YLPM1: variants seen among roughly 807,000 people sequenced by gnomAD.
The protein encoded by YLPM1 is YLP motif-containing protein 1.
Under a neutral mutation model 230.0 loss-of-function variants are expected in YLPM1, and 99 were observed. The observed-to-expected ratio is 0.43, with a 90% CI of 0.37 to 0.51. The LOEUF is 0.51. YLPM1 is among the 20% of genes least tolerant of loss of function. The probability of loss-of-function intolerance (pLI) is 0.00; values close to 1 mark genes in which losing one functional copy is unlikely to be tolerated. For missense variants in YLPM1, 2,592 were observed against 2,707.7 expected (o/e 0.96, Z 0.95); for synonymous variants, 984 against 942.5 (o/e 1.04, Z -0.81).
intron 19 of YLPM1, among the ~76,000 whole-genome samples, chr14:74,834,188 A>G (rs1034786358): frequency 2.6e-5 from 4 of 151,382 alleles, no homozygotes; most frequent in Admixed American, 2.6e-4. Flanking sequence ...GACTCTAAAA[A>G]AAAAAAAAAA....
At chr14:74,765,877 C>T (rs905905395) in intron 1 of YLPM1, among the ~76,000 whole-genome samples, 3 of 152,148 alleles carry the variant, frequency 2.0e-5, no homozygotes, top group South Asian at 2.1e-4. Context: ...TGGTGAGAGG[C>T]AGAGTGGTGG....
At chr14:74,795,470 G>C (rs1336990693) in intron 4 of YLPM1, among the ~76,000 whole-genome samples, 2 of 152,192 alleles carry the variant, frequency 1.3e-5, no homozygotes, top group Non-Finnish European at 2.9e-5. Flanking sequence ...AGGCATCACT[G>C]TCTACTACTC....
intron 1 of YLPM1, among the ~76,000 whole-genome samples, chr14:74,770,038 C>T (rs1317004049): frequency 5.3e-5 from 8 of 151,700 alleles, no homozygotes; most frequent in Admixed American, 6.6e-5. Context: ...AAAAATTAGC[C>T]GGGCGTGGTG....
In YLPM1 at chr14:74,781,503, G is replaced by C; in HGVS notation, c.1460G>C (p.Gly487Ala). 1 of 1,613,848 alleles carries C rather than the reference G, an allele frequency of 6.2e-7. No homozygotes were observed. The highest frequency in any genetic ancestry group is 8.5e-7 in the Non-Finnish European group (1 of 1,179,832). The change falls in exon 4 of 21, where the codon GGA becomes GCA. Residue 487 changes from glycine to alanine, a missense_variant. Around this residue, in one of 4 missense-constraint regions of YLPM1, gnomAD observed 1,862 missense variants for 1,819.8 expected, o/e 1.02. Coordinates refer to ENST00000325680, the MANE Select transcript of YLPM1 (RefSeq NM_019589.3). ...EYEKQWKTWQGHMKATQSYLQ... is the reference protein window; with the variant it reads ...EYEKQWKTWQAHMKATQSYLQ... ...GAGAAGCAGTGGAAAACATGGCAGG[G>C]ACATATGAAAGCCACTCAGAGCTAT...
intron 4 of YLPM1, among the ~76,000 whole-genome samples, chr14:74,786,448 T>C (rs1031807966): frequency 3.4e-5 from 5 of 148,084 alleles, no homozygotes; most frequent in African/African-American, 1.2e-4. Context: ...ATCTCCCTCA[T>C]CCCCCTCAGT....
intron 18 of YLPM1, among the ~76,000 whole-genome samples, chr14:74,826,815 A>G (rs1220064531): frequency 1.3e-5 from 2 of 152,234 alleles, no homozygotes; most frequent in African/African-American, 2.4e-5. Flanking sequence ...GCAGGTTGTT[A>G]CTTGCCACAT....
chr14:74,807,453 G>A (rs576487404), intron 6 of YLPM1, among the ~76,000 whole-genome samples: 6 of 152,112 alleles, frequency 3.9e-5, no homozygotes, highest in Non-Finnish European at 8.8e-5. Context: ...AGGCTGAAGC[G>A]AGAAGATTAC....
At chr14:74,783,244 A>T (rs556798343) in intron 4 of YLPM1, among the ~76,000 whole-genome samples, 1 of 152,136 alleles carries the variant, frequency 6.6e-6, no homozygotes, top group East Asian at 1.9e-4. Flanking sequence ...TTTAAAAAAT[A>T]CTTCGTAGAG....
intron 19 of YLPM1, among the ~76,000 whole-genome samples, chr14:74,833,653 T>C (rs191514480): frequency 2.5e-4 from 38 of 152,342 alleles, no homozygotes; most frequent in African/African-American, 9.1e-4. Flanking sequence ...GGCTTCTTAC[T>C]AAAGCCCATG....
intron 4 of YLPM1, among the ~76,000 whole-genome samples, chr14:74,788,709 G>GGCA (rs1218550417): frequency 6.6e-6 from 1 of 152,098 alleles, no homozygotes; most frequent in Admixed American, 6.6e-5. Context: ...CAGGCTTGGT[G>GGCA]GCATGTGCCT....
At chr14:74,819,527 A>G (rs1016543762) in intron 16 of YLPM1, among the ~76,000 whole-genome samples, 1 of 152,098 alleles carries the variant, frequency 6.6e-6, no homozygotes, top group Non-Finnish European at 1.5e-5. Context: ...TGCCCACCTC[A>G]GCCTCCGAAA....
rs887770200 is a variant in YLPM1, at chr14:74,818,219, A to G, written c.5947-12A>G. 1.9e-6 allele frequency: 3 copies of G among 1,588,798 alleles called. No homozygotes were observed. Among genetic ancestry groups the G allele is most frequent in the African/African-American group, 2.7e-5 (2 of 74,420 alleles). On this transcript the variant is annotated splice_polypyrimidine_tract_variant and intron_variant, in intron 15 of 20. Coordinates refer to ENST00000325680, the MANE Select transcript of YLPM1 (RefSeq NM_019589.3). ...TTCTAGAGATAACTCAACCATCTGA[A>G]TTTTTCAATAGATGGCTGATCACTG...
chr14:74,775,826 A>G (rs551270950), intron 1 of YLPM1, among the ~76,000 whole-genome samples: 2 of 152,316 alleles, frequency 1.3e-5, no homozygotes, highest in Non-Finnish European at 2.9e-5. Context: ...CTGTTTTTCA[A>G]CCTTTGGTAT....
rs1337904491 is a variant in YLPM1 at position 74,812,738 on chromosome 14, G to C, written c.5458G>C (p.Asp1820His). 1 of 1,613,654 alleles carries C rather than the reference G, an allele frequency of 6.2e-7. No homozygotes were observed. Among genetic ancestry groups the C allele is most frequent in the Non-Finnish European group, 8.5e-7 (1 of 1,179,778 alleles). Residue 1820 changes from aspartate to histidine, a missense_variant, in exon 11 of 21, where the codon GAC becomes CAC. By Grantham distance (81) the Asp-to-His change is moderately conservative (BLOSUM62 -1). Transcript: ENST00000325680. The part of the protein sequence containing the change: ...VEKKPESKNV[D>H]DILKPPGRES... ...GAAGAAGCCTGAATCAAAGAATGTGGACGATATTTTGAAACCACCGGGCCG... is the reference window on the plus strand; with the variant it reads ...GAAGAAGCCTGAATCAAAGAATGTGCACGATATTTTGAAACCACCGGGCCG...
intron 4 of YLPM1, among the ~76,000 whole-genome samples, chr14:74,791,127 G>T (rs761553604): frequency 2.0e-5 from 3 of 152,090 alleles, no homozygotes; most frequent in Non-Finnish European, 4.4e-5. Context: ...AATTAGCCAG[G>T]CATGGTGGCA....
chr14:74,803,350 G>A (rs1231254565), intron 6 of YLPM1, among the ~76,000 whole-genome samples: 1 of 152,148 alleles, frequency 6.6e-6, no homozygotes, highest in African/African-American at 2.4e-5. Context: ...CCAGTAATGG[G>A]CTTTTCAAAT....
chr14:74,778,200 G>A (rs368122440), intron 1 of YLPM1, among the ~76,000 whole-genome samples: 42 of 152,278 alleles, frequency 2.8e-4, no homozygotes, highest in African/African-American at 9.4e-4. Context: ...TGTTTTATTA[G>A]AGTACAGAAG....
At chr14:74,829,457 A>T (rs1374092515) in intron 19 of YLPM1, 114 bp downstream of exon 19, 7 of 1,411,098 alleles carry the variant, frequency 5.0e-6, no homozygotes, top group Non-Finnish European at 5.8e-6. Flanking sequence ...GATTTAGTTT[A>T]CGCTATGTCA....
chr14:74,813,915 C>T (rs980192619), intron 11 of YLPM1, among the ~76,000 whole-genome samples: 1 of 152,158 alleles, frequency 6.6e-6, no homozygotes, highest in Admixed American at 6.5e-5. Context: ...TGCAAATATA[C>T]TTTTACTTCT....
Sources: allele counts gnomAD v4.1 joint callset (sites outside exome capture counted in the v4.1 genomes callset), GRCh38; gene constraint gnomAD v4.1.1; regional missense constraint gnomAD v4.1.1; transcripts MANE v1.5; gene names NCBI Gene and HGNC (gene_info 2026-07-23, HGNC 2026-07-21).